Variants in NIPBL observed in about 807,000 individuals in gnomAD.
The protein encoded by NIPBL is nipped-B-like protein.
NIPBL carries 19 observed loss-of-function variants against 321.8 expected under a neutral mutation model. The ratio of observed to expected loss-of-function variants is 0.06; its 90% CI spans 0.04 to 0.09. The LOEUF (loss-of-function observed/expected upper bound fraction) is 0.09. NIPBL is among the 10% of genes least tolerant of loss of function. The pLI is 1.00. For missense variants in NIPBL, 2,210 were observed against 3,327.0 expected, an observed-to-expected ratio of 0.66 and a Z score of 8.26; for synonymous variants, 1,106 against 1,114.1, an observed-to-expected ratio of 0.99 and a Z score of 0.14.
At chr5:37,005,104 G>A (rs1244004201) in intron 16 of NIPBL, among the ~76,000 whole-genome samples, 2 of 152,092 alleles carry the variant, frequency 1.3e-5, no homozygotes, top group South Asian at 2.1e-4. Flanking sequence ...ATCAGCTATC[G>A]TAATTGTTAG....
intron 30 of NIPBL, among the ~76,000 whole-genome samples, chr5:37,025,439 A>C (rs1750147322): frequency 6.6e-6 from 1 of 152,174 alleles, no homozygotes; most frequent in African/African-American, 2.4e-5. Context: ...ACATATTTTC[A>C]CTCATGCGTG....
At chr5:36,952,074 ATGTGTGTGTGTAG>A (rs1561070555) in intron 1 of NIPBL, among the ~76,000 whole-genome samples, 8 of 71,396 alleles carry the variant, frequency 1.1e-4, no homozygotes, top group African/African-American at 3.7e-4. Context: ...GCGCGCGCGC[ATGTGTGTGTGTAG>A]CAGTTTAATG....
chr5:36,971,560 T>A (rs1455466609), intron 7 of NIPBL, among the ~76,000 whole-genome samples: 2 of 152,196 alleles, frequency 1.3e-5, no homozygotes, highest in African/African-American at 4.8e-5. Context: ...TCTGGAAATT[T>A]GCCTTGTTAT....
chr5:37,000,111 T>C (rs928390288), intron 11 of NIPBL, among the ~76,000 whole-genome samples: 3 of 152,200 alleles, frequency 2.0e-5, no homozygotes, highest in African/African-American at 7.2e-5. Flanking sequence ...CACTGTAGTT[T>C]AATTTCAAGA....
chr5:37,044,315 A>T (rs1240228225), intron 34 of NIPBL, 32 bp from the exon 35 acceptor site: 3 of 1,600,126 alleles, frequency 1.9e-6, no homozygotes, highest in Non-Finnish European at 2.6e-6. Context: ...CAGGTTTTGG[A>T]TATTCATAAA....
chr5:36,925,778 C>T (rs954881275), intron 1 of NIPBL, among the ~76,000 whole-genome samples: 14 of 152,194 alleles, frequency 9.2e-5, no homozygotes, highest in African/African-American at 3.4e-4. Context: ...ATCCATCCTA[C>T]GTAACTTACA....
intron 8 of NIPBL, among the ~76,000 whole-genome samples, chr5:36,973,575 C>A (rs1425337446): frequency 6.6e-6 from 1 of 152,164 alleles, no homozygotes; most frequent in Non-Finnish European, 1.5e-5. Context: ...TCAAACGATT[C>A]TCCTGCCTCA....
intron 32 of NIPBL, among the ~76,000 whole-genome samples, chr5:37,035,189 T>C (rs1222172352): frequency 6.6e-6 from 1 of 152,206 alleles, no homozygotes; most frequent in Admixed American, 6.5e-5. Context: ...TGTGGGAGGC[T>C]GAGCCTGGGA....
chr5:36,953,564 T>C, intron 1 of NIPBL, 54 bp from the exon 2 acceptor site: 1 of 780,160 alleles, frequency 1.3e-6, no homozygotes, highest in East Asian at 2.5e-5. Context: ...ATTTTCCTGA[T>C]AGTAATATAT....
At chr5:37,007,702 A>T (rs1190037219) in intron 18 of NIPBL, among the ~76,000 whole-genome samples, 1 of 151,974 alleles carries the variant, frequency 6.6e-6, no homozygotes, top group Non-Finnish European at 1.5e-5. Flanking sequence ...TCTTTGAAAG[A>T]TGGGTTATAT....
At chr5:37,013,083 G>A in intron 21 of NIPBL, among the ~76,000 whole-genome samples, 1 of 151,208 alleles carries the variant, frequency 6.6e-6, no homozygotes, top group Admixed American at 6.6e-5. Flanking sequence ...CAGCTGGCCG[G>A]GCAGAGGGGC....
chr5:37,007,005 C>G (rs557768248), intron 17 of NIPBL, among the ~76,000 whole-genome samples: 2 of 151,964 alleles, frequency 1.3e-5, no homozygotes, highest in African/African-American at 4.8e-5. Context: ...ACTTGACGAT[C>G]TATTGTATAA....
At chr5:37,003,398 T>A (rs1480165450) in intron 16 of NIPBL, 51 bp downstream of exon 16, 1 of 1,052,544 alleles carries the variant, frequency 9.5e-7, no homozygotes, top group East Asian at 2.4e-5. Context: ...TATTAAGATC[T>A]ATAGTAGTCC....
chr5:37,015,664 A>C (rs1037063249), intron 22 of NIPBL, among the ~76,000 whole-genome samples: 1 of 152,048 alleles, frequency 6.6e-6, no homozygotes, highest in Non-Finnish European at 1.5e-5. Context: ...CGGGAGGTGG[A>C]GGGTTGCCGT....
rs771589177 is a variant in NIPBL at position 37,027,348 on chromosome 5, A to G, written c.5809-11A>G. 2 of 1,602,626 alleles carry G rather than the reference A, an allele frequency of 1.2e-6. No homozygotes were observed. Among genetic ancestry groups the G allele is most frequent in the Non-Finnish European group, 1.7e-6 (2 of 1,169,762 alleles). On this transcript the variant is annotated splice_polypyrimidine_tract_variant and intron_variant, in intron 31 of 46. Coordinates refer to ENST00000282516, the MANE Select transcript of NIPBL (RefSeq NM_133433.4). ...TATACTTCTAACTTTGATTCTTTTC[A>G]TCACCCTTAGGTTGCAGCATGCAGA...
intron 6 of NIPBL, among the ~76,000 whole-genome samples, chr5:36,965,043 A>G (rs1337049522): frequency 6.6e-6 from 1 of 152,142 alleles, no homozygotes; most frequent in Non-Finnish European, 1.5e-5. Flanking sequence ...ACTGGTGAGG[A>G]TGTGAAGAAA....
At position 37,044,841 on chromosome 5, in the gene NIPBL, T is replaced by C; in HGVS notation, c.6343+112T>C. ...ACTCGAGGAAATTATGAGGTGTGAT[T>C]ATCCACCGTGGTCCTCTCAGAAACA... On this transcript the variant is annotated intron_variant, in intron 36 of 46. Transcript: ENST00000282516. 4.0e-6 allele frequency: 3 copies of C among 758,838 alleles called. No individual in the cohort carries two copies. The East Asian group carries it at 8.1e-5, about 20-fold the overall frequency. The allele number at this position is 758,838 out of a possible 1,614,324, so 47.0% of individuals were successfully genotyped here.
chr5:36,889,677 CAT>C (rs1746173703), intron 1 of NIPBL, among the ~76,000 whole-genome samples: 1 of 152,108 alleles, frequency 6.6e-6, no homozygotes, highest in Admixed American at 6.6e-5. Context: ...CTCTGATTAT[CAT>C]ATGTTTCTTA....
At chr5:36,978,737 A>G (rs1473207118) in intron 9 of NIPBL, among the ~76,000 whole-genome samples, 1 of 151,774 alleles carries the variant, frequency 6.6e-6, no homozygotes, top group African/African-American at 2.4e-5. Context: ...ACAGTTACAT[A>G]TTTAATTCAT....
Sources: gnomAD v4.1 joint callset for allele counts (sites outside exome capture counted in the v4.1 genomes callset) on GRCh38, gnomAD v4.1.1 for gene constraint, MANE v1.5 for transcripts, NCBI Gene and HGNC (gene_info 2026-07-23, HGNC 2026-07-21) for gene names.